The following ASH2L variants were observed in gnomAD, a reference collection of about 807,000 sequenced individuals.
ASH2L encodes the protein ASH2 like, histone lysine methyltransferase complex subunit, also known as set1/Ash2 histone methyltransferase complex subunit ASH2.
Under a neutral mutation model 81.1 loss-of-function variants are expected in ASH2L, and 30 were observed. The observed-to-expected ratio is 0.37, with a 90% CI of 0.28 to 0.50. The LOEUF is 0.50. Among genes scored for constraint, ASH2L ranks in the 20% least tolerant of loss-of-function variants. The probability of loss-of-function intolerance (pLI) is 0.95; values close to 1 mark genes in which losing one functional copy is unlikely to be tolerated. For missense variants in ASH2L, 559 were observed against 792.1 expected, an observed-to-expected ratio of 0.71 and a Z score of 3.53; for synonymous variants, 273 against 279.9, an observed-to-expected ratio of 0.98 and a Z score of 0.24.
intron 10 of ASH2L, chr8:38,123,997 C>T (rs1801732884): frequency 6.6e-6 from 1 of 151,906 alleles, no homozygotes; most frequent in Non-Finnish European, 1.5e-5. Context: ...TGTGCCACCA[C>T]CCGTGGCTAA....
chr8:38,135,333 C>T (rs1802210217), intron 13 of ASH2L, among the ~76,000 whole-genome samples: 1 of 151,950 alleles, frequency 6.6e-6, no homozygotes. Flanking sequence ...CCTGTAGTCC[C>T]AGCTGCTTGG....
At chr8:38,108,122 C>T (rs1235765375) in intron 3 of ASH2L, among the ~76,000 whole-genome samples, 1 of 151,984 alleles carries the variant, frequency 6.6e-6, no homozygotes, top group Non-Finnish European at 1.5e-5. Context: ...CTGTTGTATA[C>T]TTTCTAGTTA....
At chr8:38,117,548 T>TG in intron 8 of ASH2L, 1 of 842,160 alleles carries the variant, frequency 1.2e-6, no homozygotes, top group Non-Finnish European at 1.4e-6. Context: ...TGCTGAGCTA[T>TG]GGTAGAAGCT....
At chr8:38,124,149 T>G (rs571316520) in intron 10 of ASH2L, 2 of 152,222 alleles carry the variant, frequency 1.3e-5, no homozygotes, top group East Asian at 3.9e-4. Context: ...CCTTATCTCC[T>G]TTTTTATACA....
At chr8:38,118,450 T>C (rs1810998152) in intron 8 of ASH2L, among the ~76,000 whole-genome samples, 1 of 152,254 alleles carries the variant, frequency 6.6e-6, no homozygotes, top group Admixed American at 6.5e-5. Context: ...GTAATCTTCC[T>C]TGTGGCTTTA....
intron 3 of ASH2L, among the ~76,000 whole-genome samples, chr8:38,108,964 A>G (rs577513339): frequency 6.6e-6 from 1 of 152,204 alleles, no homozygotes; most frequent in Non-Finnish European, 1.5e-5. Flanking sequence ...CATCTGTAGT[A>G]CCAGCTACTC....
At chr8:38,127,789 T>G (rs1418234426) in intron 10 of ASH2L, among the ~76,000 whole-genome samples, 1 of 148,808 alleles carries the variant, frequency 6.7e-6, no homozygotes, top group Non-Finnish European at 1.5e-5. Context: ...GGCTCATGCC[T>G]GTAATTCCAA....
rs554571377 is a variant in ASH2L at position 38,107,685 on chromosome 8, A to C, written c.401+519A>C. Among the ~76,000 whole-genome samples the C allele has an allele frequency of 8.5e-5, 13 of 152,124 alleles. No homozygotes were observed. The South Asian group carries it at 2.7e-3, about 32-fold the overall frequency. ...TCTAGTGAATTAAAATCATATTGTG[A>C]TTGAGAATGAAAGACTTTTTTCCTT... is the stretch of plus-strand genomic sequence containing the variant. On this transcript the variant is annotated intron_variant, in intron 3 of 15. Coordinates refer to ENST00000343823, the MANE Select transcript of ASH2L (RefSeq NM_004674.5).
At chr8:38,127,300 AAG>A (rs1440294089) in intron 10 of ASH2L, among the ~76,000 whole-genome samples, 4 of 151,842 alleles carry the variant, frequency 2.6e-5, no homozygotes, top group Non-Finnish European at 5.9e-5. Flanking sequence ...GCGACTGAGT[AAG>A]AGAGCAAGAC....
In ASH2L at chr8:38,128,469, G is replaced by T. The variant is rs1467801207; in HGVS notation, c.1333+11G>T. 1 of 1,612,752 alleles carries T rather than the reference G, an allele frequency of 6.2e-7. No individual in the cohort carries two copies. The highest frequency in any genetic ancestry group is 1.3e-5 in the African/African-American group (1 of 74,850). ...GGTCCCAGCCCCTAGGTAAGCTGGG[G>T]CCTTAATATGGACATCACAGCAGAT... On this transcript the variant is annotated intron_variant, in intron 11 of 15. Transcript: ENST00000343823.
rs145495250 is a variant in ASH2L, at chr8:38,118,910, G to A, written c.854-360G>A. On this transcript the variant is annotated intron_variant, in intron 8 of 15. Transcript: ENST00000343823. ...TGAAAAAAAATGTGCCCATACAGTT[G>A]TTTTCATTCTTTTTAGCTGTGGGTG... Among the ~76,000 whole-genome samples the A allele has an allele frequency of 1.9e-3, 283 of 152,262 alleles. 3 individuals carry two copies. The highest frequency in any genetic ancestry group is 0.01 in the Middle Eastern group (3 of 294).
rs200092089 is a variant in ASH2L at position 38,128,233 on chromosome 8, A to G, written c.1166-58A>G. 5,879 of 1,596,338 alleles carry G rather than the reference A, an allele frequency of 3.7e-3. 229 individuals carry two copies. In the South Asian group the frequency reaches 0.062, roughly 17 times the overall value. The stretch of plus-strand genomic sequence containing the variant: ...TTATTGGACTAATGTTTTTGTGGCA[A>G]TTGTCCCCAAGAACCTCAAATAAGT... On this transcript the variant is annotated intron_variant, in intron 10 of 15. Coordinates refer to ENST00000343823, the MANE Select transcript of ASH2L (RefSeq NM_004674.5).
Position 38,110,477 on chromosome 8 carries a change from A to G in ASH2L, c.490+10A>G. ...CTCCGGAAGCAAGCAAGTAAGAACA[A>G]ACTCTGGAGTATTTGAAGATGATTA... On this transcript the variant is annotated intron_variant, in intron 4 of 15. Transcript: ENST00000343823. 1 of 1,603,860 alleles carries G rather than the reference A, an allele frequency of 6.2e-7. No individual in the cohort carries two copies. Among genetic ancestry groups the G allele is most frequent in the South Asian group, 1.1e-5 (1 of 90,860 alleles).
chr8:38,129,803 C>T (rs1277066267), intron 12 of ASH2L, among the ~76,000 whole-genome samples: 1 of 152,048 alleles, frequency 6.6e-6, no homozygotes, highest in Non-Finnish European at 1.5e-5. Context: ...ATCTGTGCAC[C>T]CTTTTCAGTG....
At chr8:38,127,742 C>CA (rs780876575) in intron 10 of ASH2L, among the ~76,000 whole-genome samples, 1,369 of 67,850 alleles carry the variant, frequency 0.02, 14 homozygotes, top group Middle Eastern at 0.037. Flanking sequence ...GACTCTGTCT[C>CA]AAAAAAAAAA....
intron 9 of ASH2L, 31 bp from the exon 10 acceptor site, chr8:38,120,901 G>C: frequency 6.3e-7 from 1 of 1,595,000 alleles, no homozygotes; most frequent in East Asian, 2.2e-5. Context: ...GGGGGTTTTA[G>C]TTTTTTGATG....
At chr8:38,106,862 G>A (rs1208198149) in intron 2 of ASH2L, among the ~76,000 whole-genome samples, 159 bp from the exon 3 acceptor site, 1 of 151,874 alleles carries the variant, frequency 6.6e-6, no homozygotes, top group Non-Finnish European at 1.5e-5. Flanking sequence ...CAGGCACGGT[G>A]GCTCATGCCT....
intron 5 of ASH2L, among the ~76,000 whole-genome samples, chr8:38,111,771 GCTACATT>G (rs1488301484): frequency 6.6e-6 from 1 of 152,110 alleles, no homozygotes; most frequent in Non-Finnish European, 1.5e-5. Context: ...GCTATATGAG[GCTACATT>G]GTGGGTACAC....
rs867630060 is a variant in ASH2L, at chr8:38,121,349, A to T, written c.1165+200A>T. Among the ~76,000 whole-genome samples the T allele has an allele frequency of 1.1e-3, 140 of 132,774 alleles. 3 individuals are homozygous for T. The highest frequency in any genetic ancestry group is 3.7e-3 in the African/African-American group (126 of 34,434). The allele number at this position is 132,774 out of a possible 152,430, so 87.1% of individuals were successfully genotyped here. On this transcript the variant is annotated intron_variant, in intron 10 of 15. Transcript: ENST00000343823. ...CCGTTTTATTTATATATATATATAT[A>T]TATATATATATATATATATATATAT...
Sources: allele counts gnomAD v4.1 joint callset (sites outside exome capture counted in the v4.1 genomes callset), GRCh38; gene constraint gnomAD v4.1.1; transcripts MANE v1.5; gene names NCBI Gene and HGNC (gene_info 2026-07-23, HGNC 2026-07-21).